USP38: variants seen among roughly 807,000 people sequenced by gnomAD.
USP38 encodes ubiquitin specific peptidase 38.
A neutral mutation model predicts 94.3 loss-of-function variants in USP38; 49 were observed. The observed-to-expected ratio is 0.52, with a 90% CI of 0.41 to 0.66. USP38 has a LOEUF of 0.66. Among genes scored for constraint, USP38 ranks in the 30% least tolerant of loss-of-function variants. The probability of loss-of-function intolerance (pLI) is 0.00; values close to 1 mark genes in which losing one functional copy is unlikely to be tolerated. For missense variants in USP38, 1,128 were observed against 1,229.4 expected (o/e 0.92, Z 1.23); for synonymous variants, 468 against 463.6 (o/e 1.01, Z -0.12).
At position 143,185,553 on chromosome 4, in the gene USP38, G is replaced by C; in HGVS notation, c.103G>C (p.Glu35Gln). 6.2e-7 allele frequency: 1 copy of C among 1,614,104 alleles called. No homozygotes were observed. The highest frequency in any genetic ancestry group is 8.5e-7 in the Non-Finnish European group (1 of 1,180,008). ...VVESAEHWLD[E>Q]AQCEAMFDLT... is the part of the protein sequence containing the mutation. Reference sequence around the variant, plus strand: ...GGAATCGGCGGAGCACTGGCTAGACGAGGCGCAGTGCGAGGCCATGTTTGA... The same window carrying C: ...GGAATCGGCGGAGCACTGGCTAGACCAGGCGCAGTGCGAGGCCATGTTTGA... Residue 35 changes from glutamate to glutamine, a missense_variant, in exon 1 of 10, where the codon GAG (glutamate) becomes CAG (glutamine). Glu to Gln is a conservative substitution (Grantham distance 29, BLOSUM62 2). Transcript: ENST00000307017.
rs200037190 is a variant in USP38, at chr4:143,201,740, G to GA, written c.1051-1660dup. ...ATGGCAGATAGGAATAATGGAGAAA[G>GA]AAAAAAAATCAAAGCTTCTAATTAA... On this transcript the variant is annotated intron_variant, in intron 4 of 9. Transcript: ENST00000307017. Among the ~76,000 whole-genome samples the GA allele has an allele frequency of 3.4e-3, 519 of 151,610 alleles. 4 individuals are homozygous for GA. Among genetic ancestry groups the GA allele is most frequent in the African/African-American group, 0.011 (451 of 41,382 alleles).
At chr4:143,188,845 C>T (rs1731308848) in intron 2 of USP38, among the ~76,000 whole-genome samples, 3 of 152,036 alleles carry the variant, frequency 2.0e-5, no homozygotes, top group African/African-American at 7.2e-5. Context: ...AACATGTCTT[C>T]TAATTTCAAA....
chr4:143,199,443 C>T (rs1731646567), intron 4 of USP38, among the ~76,000 whole-genome samples: 1 of 152,096 alleles, frequency 6.6e-6, no homozygotes, highest in African/African-American at 2.4e-5. Context: ...CTACAGTGAA[C>T]ATTCATGTGC....
At chr4:143,218,871 AG>A (rs1372677322) in intron 9 of USP38, among the ~76,000 whole-genome samples, 1 of 152,074 alleles carries the variant, frequency 6.6e-6, no homozygotes. Flanking sequence ...ATAGTTTAAT[AG>A]GTTATAGAGC....
Position 143,213,986 on chromosome 4 carries a change from C to T in USP38, c.2010C>T (p.Asp670=). The T allele has an allele frequency of 6.2e-7, 1 of 1,613,618 alleles. No homozygotes were observed. Among genetic ancestry groups the T allele is most frequent in the Non-Finnish European group, 8.5e-7 (1 of 1,179,834 alleles). Residue 670 remains aspartate, a synonymous_variant, in exon 9 of 10, where the codon GAC becomes GAT. Transcript: ENST00000307017. ...CAACAACAGCTGCCTTCATCTGTGACTCACTTGTGAATGAAAAAACCATAG... is the reference window on the plus strand; with the variant it reads ...CAACAACAGCTGCCTTCATCTGTGATTCACTTGTGAATGAAAAAACCATAG... ...YNPTTAAFIC[D]SLVNEKTIGS... is the part of the protein sequence containing the mutation.
Position 143,213,013 on chromosome 4 carries a change from T to A in USP38, c.1605-568T>A, listed in dbSNP as rs1276038077. Among the ~76,000 whole-genome samples, 4 of 152,186 alleles carry A rather than the reference T, an allele frequency of 2.6e-5. 1 individual carries two copies. In the South Asian group the frequency reaches 6.2e-4, roughly 24 times the overall value. On this transcript the variant is annotated intron_variant, in intron 8 of 9. Coordinates refer to ENST00000307017, the MANE Select transcript of USP38 (RefSeq NM_032557.6). ...ATGTAAAGGAAAGCTCTTTGTTTTTTAATTATTTTTAAGAGTATAAAGGGG... is the reference window on the plus strand; with the variant it reads ...ATGTAAAGGAAAGCTCTTTGTTTTTAAATTATTTTTAAGAGTATAAAGGGG...
chr4:143,193,896 G>T (rs1731470999), intron 2 of USP38, among the ~76,000 whole-genome samples: 1 of 152,162 alleles, frequency 6.6e-6, no homozygotes, highest in Admixed American at 6.5e-5. Flanking sequence ...GACCAGCTCA[G>T]GCAACCCCCT....
chr4:143,218,364 T>C (rs1420081223), intron 9 of USP38, among the ~76,000 whole-genome samples: 1 of 152,102 alleles, frequency 6.6e-6, no homozygotes, highest in African/African-American at 2.4e-5. Context: ...GTACTTGATA[T>C]AAATTTGTGA....
chr4:143,185,211 C>T lies in USP38; in HGVS notation c.-240C>T. On this transcript the variant is annotated 5_prime_UTR_variant, in exon 1 of 10. Coordinates refer to ENST00000307017, the MANE Select transcript of USP38 (RefSeq NM_032557.6). The stretch of plus-strand genomic sequence containing the variant: ...GCGGCGGCGGAGTACGGGCCTCTGG[C>T]GCCTTAGGCCAGCCGCAGGTGTCGG... The T allele has an allele frequency of 2.2e-6, 1 of 463,482 alleles. No homozygotes were observed. The highest frequency in any genetic ancestry group is 3.8e-6 in the Non-Finnish European group (1 of 264,182). 28.7% of individuals were successfully genotyped at this position (463,482 alleles called of 1,614,324 possible). A position where few individuals can be genotyped will look rare whatever the true frequency, so the allele number is the denominator to read the frequency against.
Position 143,185,115 on chromosome 4 carries a change from C to T in USP38, c.-336C>T, listed in dbSNP as rs961874359. ...CCGGCTAGCAGCCCCGGGCCCTGAG[C>T]TCCCGCCGACGCCGCTGGGGGGCCC... On this transcript the variant is annotated 5_prime_UTR_variant, in exon 1 of 10. Transcript: ENST00000307017. The T allele has an allele frequency of 4.8e-5, 10 of 208,724 alleles. No individual in the cohort carries two copies. The South Asian group carries it at 8.8e-4, about 18-fold the overall frequency. 12.9% of individuals were successfully genotyped at this position (208,724 alleles called of 1,614,324 possible). A position where few individuals can be genotyped will look rare whatever the true frequency, so the allele number is the denominator to read the frequency against.
At chr4:143,219,735 T>C (rs1030765124) in intron 9 of USP38, among the ~76,000 whole-genome samples, 2 of 152,148 alleles carry the variant, frequency 1.3e-5, no homozygotes, top group Admixed American at 6.5e-5. Context: ...CCTTTGAAGC[T>C]AAGCACCTAA....
intron 7 of USP38, among the ~76,000 whole-genome samples, chr4:143,210,998 A>G (rs902020507): frequency 2.6e-4 from 39 of 152,076 alleles, no homozygotes; most frequent in Non-Finnish European, 1.2e-4. Flanking sequence ...AAACGAAATG[A>G]AAACTATCTC....
rs954633919 is a variant in USP38 at position 143,185,458 on chromosome 4, A to G, written c.8A>G (p.Lys3Arg). 1.3e-6 allele frequency: 2 copies of G among 1,585,084 alleles called. No homozygotes were observed. Among genetic ancestry groups the G allele is most frequent in the Non-Finnish European group, 1.7e-6 (2 of 1,163,514 alleles). ...CCTTGCAGCGTGGCGACAATGGACA[A>G]GATCCTGGAGGGCCTTGTGAGTTCC... MD[K>R]ILEGLVSSSH... Residue 3 changes from lysine to arginine, a missense_variant, in exon 1 of 10, where the codon AAG becomes AGG. By Grantham distance (26) the Lys-to-Arg change is conservative (BLOSUM62 2). Coordinates refer to ENST00000307017, the MANE Select transcript of USP38 (RefSeq NM_032557.6).
chr4:143,198,658 C>G (rs999038413), intron 4 of USP38, among the ~76,000 whole-genome samples: 14 of 152,126 alleles, frequency 9.2e-5, no homozygotes, highest in African/African-American at 3.1e-4. Context: ...TTTTATTTAT[C>G]TAGAATATAT....
At chr4:143,209,444 T>C (rs7670050) in intron 6 of USP38, 120 bp from the exon 7 acceptor site, 40,643 of 550,014 alleles carry the variant, frequency 0.074, 1,913 homozygotes, top group African/African-American at 0.16. Context: ...GAGCTGAGAT[T>C]GTGCCACTGC....
rs878906225 is a variant in USP38 at position 143,209,668 on chromosome 4, A to T, written c.1497+11A>T. The T allele has an allele frequency of 1.9e-6, 3 of 1,542,534 alleles. No homozygotes were observed. Among genetic ancestry groups the T allele is most frequent in the African/African-American group, 1.4e-5 (1 of 72,996 alleles). ...CTGGCCCATACACAGGTGAGTGTGT[A>T]TGTGTATATAGTACGTTTATGTTAA... On this transcript the variant is annotated intron_variant, in intron 7 of 9. Transcript: ENST00000307017.
intron 3 of USP38, among the ~76,000 whole-genome samples, chr4:143,196,543 T>C (rs1399333129): frequency 1.3e-5 from 2 of 152,144 alleles, no homozygotes; most frequent in Non-Finnish European, 2.9e-5. Context: ...CAGGACATTA[T>C]ACTCTCCTGA....
At chr4:143,212,549 C>A in intron 8 of USP38, 125 bp downstream of exon 8, 2 of 521,096 alleles carry the variant, frequency 3.8e-6, no homozygotes, top group Non-Finnish European at 6.2e-6. Context: ...TATTGCATTT[C>A]TTGTATGTTT....
At chr4:143,187,466 A>C (rs2149603073) in intron 1 of USP38, among the ~76,000 whole-genome samples, 1 of 152,308 alleles carries the variant, frequency 6.6e-6, no homozygotes, top group Non-Finnish European at 1.5e-5. Context: ...GTGGAAGTTG[A>C]AATGATACTT....
Sources: allele counts gnomAD v4.1 joint callset (sites outside exome capture counted in the v4.1 genomes callset), GRCh38; gene constraint gnomAD v4.1.1; transcripts MANE v1.5; gene names NCBI Gene and HGNC (gene_info 2026-07-23, HGNC 2026-07-21).